The following AMD1 variants were observed in gnomAD, a reference collection of about 807,000 sequenced individuals.
AMD1 encodes adenosylmethionine decarboxylase 1, also known as S-adenosylmethionine decarboxylase proenzyme.
AMD1 carries 11 observed loss-of-function variants against 40.2 expected under a neutral mutation model. That is an observed-to-expected ratio of 0.27 (90% CI 0.17 to 0.45). The LOEUF (loss-of-function observed/expected upper bound fraction) is 0.45, where lower values mean the gene tolerates loss of function less well. Among genes scored for constraint, AMD1 ranks in the 20% least tolerant of loss-of-function variants. The pLI, the probability that AMD1 is intolerant of heterozygous loss-of-function variation, is 1.00. For missense variants in AMD1, 257 were observed against 410.2 expected (o/e 0.63, Z 3.23); for synonymous variants, 121 against 130.8 (o/e 0.93, Z 0.51).
chr6:110,857,633 TAG>T, the AMD1 span, among the ~76,000 whole-genome samples: 329 of 121,722 alleles, frequency 2.7e-3, 1 homozygote, highest in Admixed American at 4.3e-3. Flanking sequence ...GGTATATATA[TAG>T]ATGGTATATA....
the AMD1 span, among the ~76,000 whole-genome samples, chr6:110,832,422 A>G: frequency 1.3e-5 from 2 of 152,114 alleles, no homozygotes; most frequent in Non-Finnish European, 2.9e-5. Flanking sequence ...TTGTGCTGAG[A>G]TAACAGGCAT....
chr6:110,814,976 G>A, the AMD1 span: 4 of 1,597,700 alleles, frequency 2.5e-6, no homozygotes, highest in Non-Finnish European at 3.4e-6. Context: ...GCGAGGACCC[G>A]AGCGAGCCTA....
At chr6:110,827,146 A>G in the AMD1 span, among the ~76,000 whole-genome samples, 4 of 152,156 alleles carry the variant, frequency 2.6e-5, 1 homozygote, top group South Asian at 8.3e-4. Context: ...CATAAATTTT[A>G]CGGGAACAGC....
chr6:110,865,366 GGACATGGAATGT>G, the AMD1 span, among the ~76,000 whole-genome samples: 1 of 152,138 alleles, frequency 6.6e-6, no homozygotes, highest in Non-Finnish European at 1.5e-5. Flanking sequence ...GTAGCAAAAG[GGACATGGAATGT>G]TAAAATTGCA....
the AMD1 span, among the ~76,000 whole-genome samples, chr6:110,865,103 TAA>T: frequency 6.6e-6 from 1 of 152,212 alleles, no homozygotes; most frequent in Non-Finnish European, 1.5e-5. Context: ...CAGAAACAGA[TAA>T]AAGACAAAAT....
the AMD1 span, among the ~76,000 whole-genome samples, chr6:110,847,805 C>T: frequency 1.1e-4 from 16 of 151,552 alleles, no homozygotes; most frequent in Admixed American, 7.9e-4. Flanking sequence ...TCCACCTCCC[C>T]GGCTCGAGCA....
the AMD1 span, among the ~76,000 whole-genome samples, chr6:110,824,916 G>A: frequency 4.6e-5 from 7 of 152,096 alleles, no homozygotes; most frequent in Non-Finnish European, 1.0e-4. Context: ...TTACCTATAT[G>A]AAAACTGAGG....
the AMD1 span, among the ~76,000 whole-genome samples, chr6:110,850,849 C>T: frequency 7.8e-3 from 1,194 of 152,200 alleles, 24 homozygotes; most frequent in African/African-American, 0.028. Context: ...AAGAAGGCAT[C>T]TTGGTTCTAG....
chr6:110,825,273 TTCTC>T, the AMD1 span, among the ~76,000 whole-genome samples: 1 of 152,240 alleles, frequency 6.6e-6, no homozygotes, highest in Non-Finnish European at 1.5e-5. Flanking sequence ...ATCTCTCTCT[TTCTC>T]TTAACATCTT....
At chr6:110,866,595 A>G in the AMD1 span, among the ~76,000 whole-genome samples, 2 of 151,930 alleles carry the variant, frequency 1.3e-5, no homozygotes, top group Admixed American at 1.3e-4. Flanking sequence ...ACTGTACATG[A>G]TCCTGTGAAA....
At chr6:110,822,181 G>T in the AMD1 span, among the ~76,000 whole-genome samples, 4 of 152,122 alleles carry the variant, frequency 2.6e-5, no homozygotes, top group South Asian at 8.3e-4. Flanking sequence ...ACTGTAGCCT[G>T]GGCAGAAAGG....
At chr6:110,836,383 T>A in the AMD1 span, among the ~76,000 whole-genome samples, 2 of 152,254 alleles carry the variant, frequency 1.3e-5, no homozygotes, top group African/African-American at 4.8e-5. Context: ...TGTAACAGAA[T>A]GTTGTAGATC....
chr6:110,841,544 A>T, the AMD1 span, among the ~76,000 whole-genome samples: 1 of 151,854 alleles, frequency 6.6e-6, no homozygotes, highest in Non-Finnish European at 1.5e-5. Context: ...TTTGTTCTCC[A>T]TTGCCTCTAC....
chr6:110,856,583 G>A, the AMD1 span: 1 of 152,222 alleles, frequency 6.6e-6, no homozygotes, highest in Non-Finnish European at 1.5e-5. Context: ...TGGCTAGGGA[G>A]ACAAGGTCTA....
At chr6:110,853,683 C>T in the AMD1 span, among the ~76,000 whole-genome samples, 2 of 152,188 alleles carry the variant, frequency 1.3e-5, no homozygotes, top group Non-Finnish European at 2.9e-5. Context: ...TCAAGCGATC[C>T]TCTCACCTCA....
At chr6:110,858,223 G>A in the AMD1 span, 1,223 of 821,554 alleles carry the variant, frequency 1.5e-3, 23 homozygotes, top group South Asian at 0.017. Flanking sequence ...CCATCCTGCC[G>A]CAGCGCGCGC....
the AMD1 span, among the ~76,000 whole-genome samples, chr6:110,820,977 G>A: frequency 2.6e-5 from 4 of 152,154 alleles, no homozygotes; most frequent in African/African-American, 4.8e-5. Context: ...CATAGTGTGG[G>A]ACAAAGTTCA....
At chr6:110,873,307 T>C (rs1226121156), upstream of AMD1, among the ~76,000 whole-genome samples, 1 of 152,196 alleles carries the variant, frequency 6.6e-6, no homozygotes, top group Non-Finnish European at 1.5e-5. Flanking sequence ...GAGGTTGCAG[T>C]GAGCCGAGAT....
intron 1 of AMD1, 34 bp from the exon 2 acceptor site, chr6:110,887,471 G>A (rs771977666): frequency 1.3e-6 from 2 of 1,519,378 alleles, no homozygotes; most frequent in Non-Finnish European, 1.8e-6. Context: ...GGGTACTATT[G>A]TGGATTAATC....
Sources: gnomAD v4.1 joint callset for allele counts (sites outside exome capture counted in the v4.1 genomes callset) on GRCh38, gnomAD v4.1.1 for gene constraint, MANE v1.5 for transcripts, NCBI Gene and HGNC (gene_info 2026-07-23, HGNC 2026-07-21) for gene names.